MRPL1: variants seen among roughly 807,000 people sequenced by gnomAD.
MRPL1 encodes the protein large ribosomal subunit protein uL1m.
In MRPL1, 28 loss-of-function variants were observed where a neutral mutation model predicts 38.0. The observed-to-expected ratio is 0.74, with a 90% CI of 0.55 to 1.01. The LOEUF is 1.01. Ranked by LOEUF, MRPL1 falls within the 50% of genes least tolerant of loss-of-function variation. The pLI is 0.00. For missense variants in MRPL1, 358 were observed against 389.8 expected, an observed-to-expected ratio of 0.92 and a Z score of 0.69; for synonymous variants, 123 against 126.7, an observed-to-expected ratio of 0.97 and a Z score of 0.20.
chr4:77,897,582 G>A (rs527794097), intron 6 of MRPL1, among the ~76,000 whole-genome samples: 4 of 152,266 alleles, frequency 2.6e-5, no homozygotes, highest in South Asian at 2.1e-4. Flanking sequence ...TGCTCCACTC[G>A]ATGTCTTGTC....
chr4:77,881,819 T>C (rs1735548563), intron 2 of MRPL1, among the ~76,000 whole-genome samples: 1 of 152,212 alleles, frequency 6.6e-6, no homozygotes, highest in Non-Finnish European at 1.5e-5. Flanking sequence ...GTTCAGGTTC[T>C]CATATCTCTG....
At chr4:77,910,850 A>C (rs1484507004) in intron 7 of MRPL1, among the ~76,000 whole-genome samples, 1 of 152,184 alleles carries the variant, frequency 6.6e-6, no homozygotes, top group Non-Finnish European at 1.5e-5. Context: ...GCTCCAATTT[A>C]TTTGGCACTG....
intron 2 of MRPL1, among the ~76,000 whole-genome samples, chr4:77,874,095 T>G (rs1448345076): frequency 6.6e-6 from 1 of 150,764 alleles, no homozygotes; most frequent in East Asian, 2.0e-4. Context: ...ACCTCCCGGG[T>G]TCAAATGATT....
Position 77,949,854 on chromosome 4 carries a change from T to TTC in MRPL1, c.835_836insTC (p.Cys279PhefsTer7), listed in dbSNP as rs1560478358. The TTC allele has an allele frequency of 1.2e-6, 2 of 1,610,984 alleles. No homozygotes were observed. Among genetic ancestry groups the TTC allele is most frequent in the East Asian group, 4.5e-5 (2 of 44,696 alleles). On this transcript the variant is annotated frameshift_variant, in exon 8 of 9. Transcript: ENST00000315567. LOFTEE classifies it high-confidence loss of function. ...TCTGCAAGCAGTTATTAATGAAGTT[T>TTC]GTAGGCACAGACCGCTGAATTTGGG...
chr4:77,930,588 TTTG>T (rs1736821928), intron 7 of MRPL1, among the ~76,000 whole-genome samples: 1 of 152,154 alleles, frequency 6.6e-6, no homozygotes. Flanking sequence ...AGCAGAGAAA[TTTG>T]ACTACACAGA....
At chr4:77,909,423 T>C (rs1736236935) in intron 7 of MRPL1, 51 bp downstream of exon 7, 3 of 1,125,888 alleles carry the variant, frequency 2.7e-6, no homozygotes, top group Non-Finnish European at 3.9e-6. Context: ...GTTGTTCAAG[T>C]ATTCTTCAGT....
In MRPL1 at chr4:77,940,113, A is replaced by G. The variant is rs574062442; in HGVS notation, c.778-9684A>G. Among the ~76,000 whole-genome samples the G allele has an allele frequency of 2.6e-5, 4 of 152,040 alleles. 1 individual carries two copies. The South Asian group carries it at 8.3e-4, about 32-fold the overall frequency. ...GGTATTTTGATAGGAGTTGCACTTAATTTGTATATTGCTTTTGACAGTATG... is the reference window on the plus strand; with the variant it reads ...GGTATTTTGATAGGAGTTGCACTTAGTTTGTATATTGCTTTTGACAGTATG... On this transcript the variant is annotated intron_variant, in intron 7 of 8. Transcript: ENST00000315567.
intron 1 of MRPL1, among the ~76,000 whole-genome samples, chr4:77,867,600 G>T (rs1735175249): frequency 2.6e-5 from 4 of 151,930 alleles, no homozygotes; most frequent in African/African-American, 4.8e-5. Flanking sequence ...TGCCCAAGCT[G>T]GTCTTGAACT....
intron 2 of MRPL1, among the ~76,000 whole-genome samples, chr4:77,881,443 C>CTTTT (rs760628841): frequency 2.3e-5 from 3 of 133,078 alleles, no homozygotes; most frequent in Admixed American, 7.5e-5. Context: ...TCAATATTTA[C>CTTTT]TTTTTTTTTT....
At chr4:77,945,505 CT>C (rs11321603) in intron 7 of MRPL1, among the ~76,000 whole-genome samples, 29,196 of 146,916 alleles carry the variant, frequency 0.2, 3,053 homozygotes, top group Non-Finnish European at 0.21. Flanking sequence ...GTGTACTTTG[CT>C]TTTTTTTTTT....
In MRPL1 at chr4:77,900,182, A is replaced by C. The variant is rs72869555; in HGVS notation, c.670+5932A>C. ...ATTCATTCTCCACAATTACTTTAGGAGAAGCTATTCTTTTTCATGTATTTA... is the reference window on the plus strand; with the variant it reads ...ATTCATTCTCCACAATTACTTTAGGCGAAGCTATTCTTTTTCATGTATTTA... On this transcript the variant is annotated intron_variant, in intron 6 of 8. Coordinates refer to ENST00000315567, the MANE Select transcript of MRPL1 (RefSeq NM_020236.4). 5.9e-4 allele frequency among the ~76,000 whole-genome samples: 90 copies of C among 152,326 alleles called. 1 individual carries two copies. The highest frequency in any genetic ancestry group is 2.0e-3 in the African/African-American group (85 of 41,584).
chr4:77,914,992 A>G (rs948271619), intron 7 of MRPL1, among the ~76,000 whole-genome samples: 4 of 152,202 alleles, frequency 2.6e-5, no homozygotes, highest in African/African-American at 9.6e-5. Flanking sequence ...GAGACTGGAT[A>G]TGGCCTGCAA....
chr4:77,910,268 T>C (rs549166770), intron 7 of MRPL1, among the ~76,000 whole-genome samples: 1 of 152,282 alleles, frequency 6.6e-6, no homozygotes, highest in African/African-American at 2.4e-5. Context: ...TCCAGGCTCT[T>C]TATCCCTATA....
At chr4:77,945,159 A>G (rs994134697) in intron 7 of MRPL1, among the ~76,000 whole-genome samples, 4 of 146,432 alleles carry the variant, frequency 2.7e-5, no homozygotes, top group Non-Finnish European at 6.0e-5. Context: ...TATTATTATT[A>G]TTATTATTAT....
intron 1 of MRPL1, among the ~76,000 whole-genome samples, chr4:77,868,042 C>T (rs1421354339): frequency 1.3e-5 from 2 of 151,646 alleles, no homozygotes; most frequent in African/African-American, 2.4e-5. Flanking sequence ...AGACATGAGC[C>T]ACCGCGCCTG....
At chr4:77,944,532 GT>G (rs1262626934) in intron 7 of MRPL1, among the ~76,000 whole-genome samples, 1 of 152,138 alleles carries the variant, frequency 6.6e-6, no homozygotes, top group Non-Finnish European at 1.5e-5. Context: ...TATTTCTTAT[GT>G]TGTGTTTTAG....
Position 77,886,789 on chromosome 4 carries a change from C to CTTTT in MRPL1, c.487-413_487-410dup, listed in dbSNP as rs71214375. 5.8e-3 allele frequency among the ~76,000 whole-genome samples: 527 copies of CTTTT among 90,462 alleles called. 6 individuals are homozygous for CTTTT. Among genetic ancestry groups the CTTTT allele is most frequent in the Non-Finnish European group, 7.4e-3 (369 of 50,128 alleles). The allele number at this position is 90,462 out of a possible 152,430, so 59.3% of individuals were successfully genotyped here. A position where few individuals can be genotyped will look rare whatever the true frequency, so the allele number is the denominator to read the frequency against. On this transcript the variant is annotated intron_variant, in intron 4 of 8. Transcript: ENST00000315567. ...GCTCACTGCACCTGGTTTGCATTTT[C>CTTTT]TTTTTTTTTTTTTTTTTTTTTGAGA...
chr4:77,889,141 T>C (rs913497079), intron 5 of MRPL1, among the ~76,000 whole-genome samples: 2 of 152,164 alleles, frequency 1.3e-5, no homozygotes, highest in African/African-American at 4.8e-5. Context: ...CTAATAGACA[T>C]CTACAGAACT....
chr4:77,885,365 T>C, intron 4 of MRPL1, 26 bp downstream of exon 4: 1 of 1,567,112 alleles, frequency 6.4e-7, no homozygotes, highest in South Asian at 1.1e-5. Flanking sequence ...CAACTATTTA[T>C]ATCATTTAAT....
Sources: allele counts gnomAD v4.1 joint callset (sites outside exome capture counted in the v4.1 genomes callset), GRCh38; gene constraint gnomAD v4.1.1; transcripts MANE v1.5; gene names NCBI Gene and HGNC (gene_info 2026-07-23, HGNC 2026-07-21).